EXOC6: variants seen among roughly 807,000 people sequenced by gnomAD.
EXOC6 encodes exocyst complex component 6, also known as SEC15-like 1.
In EXOC6, 60 loss-of-function variants were observed where a neutral mutation model predicts 112.5. The ratio of observed to expected loss-of-function variants is 0.53; its 90% confidence interval spans 0.43 to 0.66. The LOEUF (loss-of-function observed/expected upper bound fraction) is 0.66, where lower values mean the gene tolerates loss of function less well. EXOC6 is among the 30% of genes least tolerant of loss of function. The probability of loss-of-function intolerance (pLI) is 0.00; values close to 1 mark genes in which losing one functional copy is unlikely to be tolerated. For synonymous variants in EXOC6, 295 were observed against 308.0 expected, an observed-to-expected ratio of 0.96 and a Z score of 0.44; for missense variants, 855 against 957.1, an observed-to-expected ratio of 0.89 and a Z score of 1.41.
intron 18 of EXOC6, among the ~76,000 whole-genome samples, chr10:92,974,570 C>A (rs866333065): frequency 6.6e-6 from 1 of 151,872 alleles, no homozygotes. Flanking sequence ...TCCCTCTCCC[C>A]ACGGTCTCCC....
intron 19 of EXOC6, among the ~76,000 whole-genome samples, chr10:92,997,863 T>A (rs954246019): frequency 2.0e-5 from 3 of 152,160 alleles, no homozygotes; most frequent in African/African-American, 7.2e-5. Flanking sequence ...AAAACATGAT[T>A]CATTTTCCCC....
In EXOC6 at chr10:92,896,111, G is replaced by GTATATATGTGTA. The variant is rs1398413886; in HGVS notation, c.412+1098_412+1099insGTGTATATATAT. ...TATATATATGTGTGTATATATATGT[G>GTATATATGTGTA]TATATATATGTGTGTGTGTGTGTGT... On this transcript the variant is annotated intron_variant, in intron 4 of 21. Coordinates refer to ENST00000260762, the MANE Select transcript of EXOC6 (RefSeq NM_019053.6). Among the ~76,000 whole-genome samples, 58 of 64,916 alleles carry GTATATATGTGTA rather than the reference G, an allele frequency of 8.9e-4. 6 individuals are homozygous for GTATATATGTGTA. In the East Asian group the frequency reaches 9.0e-3, roughly 10 times the overall value. 42.6% of individuals were successfully genotyped at this position (64,916 alleles called of 152,430 possible).
At chr10:92,862,630 T>G (rs1847963942) in intron 1 of EXOC6, among the ~76,000 whole-genome samples, 1 of 152,170 alleles carries the variant, frequency 6.6e-6, no homozygotes, top group Admixed American at 6.5e-5. Context: ...CTACCCAGTC[T>G]ACAGTATTTA....
intron 20 of EXOC6, among the ~76,000 whole-genome samples, chr10:93,031,890 C>G (rs747823489): frequency 1.3e-5 from 2 of 152,146 alleles, no homozygotes; most frequent in Non-Finnish European, 2.9e-5. Flanking sequence ...GACAAATGCA[C>G]ATATCATGAA....
chr10:93,027,785 G>T (rs1017040588), intron 20 of EXOC6, among the ~76,000 whole-genome samples: 2 of 152,196 alleles, frequency 1.3e-5, no homozygotes, highest in African/African-American at 4.8e-5. Flanking sequence ...CATCACTCAA[G>T]AACTCTGATG....
At position 92,975,459 on chromosome 10, in the gene EXOC6, C is replaced by T. The variant is rs1214999924; in HGVS notation, c.1953+1227C>T. The stretch of plus-strand genomic sequence containing the variant: ...GAGCGTCTCCGCCCGGCAGCCGCCC[C>T]GTCCGGGAGGGAGGTGGGGGGGGTC... On this transcript the variant is annotated intron_variant, in intron 18 of 21. Transcript: ENST00000260762. Among the ~76,000 whole-genome samples the T allele has an allele frequency of 5.3e-5, 8 of 150,200 alleles. No homozygotes were observed. In the East Asian group the frequency reaches 6.0e-4, roughly 11 times the overall value.
At chr10:92,898,408 T>G (rs1204505217) in intron 4 of EXOC6, among the ~76,000 whole-genome samples, 1 of 145,174 alleles carries the variant, frequency 6.9e-6, no homozygotes, top group East Asian at 2.0e-4. Context: ...GTAACCTGGG[T>G]GACAGAGTGA....
chr10:92,907,509 T>G (rs981594629), intron 5 of EXOC6, among the ~76,000 whole-genome samples: 1 of 152,212 alleles, frequency 6.6e-6, no homozygotes, highest in African/African-American at 2.4e-5. Context: ...ACAGTTGTGC[T>G]ATGAAGTAAG....
At chr10:93,011,609 C>G (rs1271353006) in intron 19 of EXOC6, among the ~76,000 whole-genome samples, 1 of 151,970 alleles carries the variant, frequency 6.6e-6, no homozygotes, top group Non-Finnish European at 1.5e-5. Flanking sequence ...ATTTAAACAC[C>G]TTTTATGATT....
intron 1 of EXOC6, among the ~76,000 whole-genome samples, chr10:92,856,009 C>T (rs1386174441): frequency 2.6e-5 from 4 of 152,068 alleles, no homozygotes; most frequent in Non-Finnish European, 4.4e-5. Flanking sequence ...GGATTACAGG[C>T]ACATGCCACC....
chr10:92,916,063 C>CAG, intron 7 of EXOC6, 150 bp downstream of exon 7: 1 of 534,338 alleles, frequency 1.9e-6, no homozygotes, highest in Non-Finnish European at 3.1e-6. Flanking sequence ...GTGTGTCAAA[C>CAG]TTTGACAAAA....
At chr10:93,055,655 A>C (rs1485784398) in intron 20 of EXOC6, among the ~76,000 whole-genome samples, 1 of 151,600 alleles carries the variant, frequency 6.6e-6, no homozygotes, top group East Asian at 1.9e-4. Flanking sequence ...TTTTTCAGAC[A>C]GTATATTCTT....
intron 13 of EXOC6, among the ~76,000 whole-genome samples, chr10:92,948,019 TG>T (rs1190371686): frequency 6.6e-6 from 1 of 152,188 alleles, no homozygotes; most frequent in Non-Finnish European, 1.5e-5. Context: ...TATTCTAGAA[TG>T]GAAAACTAAA....
intron 1 of EXOC6, among the ~76,000 whole-genome samples, chr10:92,828,294 G>T (rs892858051): frequency 6.6e-6 from 1 of 152,176 alleles, no homozygotes; most frequent in Non-Finnish European, 1.5e-5. Context: ...AGATGAGGTG[G>T]TCAATGTTTG....
At chr10:93,051,042 A>G (rs1846266950) in intron 20 of EXOC6, among the ~76,000 whole-genome samples, 1 of 152,198 alleles carries the variant, frequency 6.6e-6, no homozygotes, top group Non-Finnish European at 1.5e-5. Flanking sequence ...ACATGTATGT[A>G]TCTATATGCT....
upstream of EXOC6, among the ~76,000 whole-genome samples, chr10:92,834,348 A>G (rs1421801238): frequency 6.6e-6 from 1 of 152,218 alleles, no homozygotes; most frequent in Non-Finnish European, 1.5e-5. Context: ...AGCATAAATA[A>G]TATTAATATA....
chr10:92,830,468 A>G (rs968035584), upstream of EXOC6, among the ~76,000 whole-genome samples: 2 of 152,200 alleles, frequency 1.3e-5, no homozygotes, highest in African/African-American at 2.4e-5. Context: ...GACTATATCA[A>G]CTTCACACAC....
At chr10:92,911,930 T>G (rs1850794469) in intron 6 of EXOC6, among the ~76,000 whole-genome samples, 1 of 53,402 alleles carries the variant, frequency 1.9e-5, no homozygotes, top group African/African-American at 6.0e-5. Flanking sequence ...TCTCTCTCTC[T>G]CTGTGTGCGT....
At chr10:92,886,739 A>G (rs886736159) in intron 1 of EXOC6, among the ~76,000 whole-genome samples, 4 of 152,242 alleles carry the variant, frequency 2.6e-5, no homozygotes, top group Non-Finnish European at 4.4e-5. Flanking sequence ...TGATTAACAT[A>G]GTTAAGCCAG....
Sources: gnomAD v4.1 joint callset for allele counts (sites outside exome capture counted in the v4.1 genomes callset) on GRCh38, gnomAD v4.1.1 for gene constraint, MANE v1.5 for transcripts, NCBI Gene and HGNC (gene_info 2026-07-23, HGNC 2026-07-21) for gene names.